Variants in FANCA observed in about 807,000 individuals in gnomAD.
FANCA encodes FA complementation group A.
Under a neutral mutation model 194.3 loss-of-function variants are expected in FANCA, and 236 were observed. That is an observed-to-expected ratio of 1.21 (90% CI 1.09 to 1.35). FANCA has a LOEUF of 1.35. FANCA is among the 40% of genes most tolerant of loss of function. The pLI is 0.00. For missense variants in FANCA, 2,628 were observed against 1,813.9 expected, an observed-to-expected ratio of 1.45 and a Z score of -8.15; for synonymous variants, 1,014 against 715.8, an observed-to-expected ratio of 1.42 and a Z score of -6.65.
intron 3 of FANCA, among the ~76,000 whole-genome samples, chr16:89,813,830 G>C (rs1408578026): frequency 6.6e-6 from 1 of 151,966 alleles, no homozygotes; most frequent in Non-Finnish European, 1.5e-5. Context: ...GTGTGTGTGT[G>C]TGTCCGTGTG....
In FANCA at chr16:89,784,740, G is replaced by A. The variant is rs55670899; in HGVS notation, c.1470+114C>T. ...GGGGAAGGGGAAGGGGAAGGGCCTG[G>A]CTGAGAGGCTCAGAGCAGATCTGCA... On this transcript the variant is annotated intron_variant, in intron 15 of 42. Transcript: ENST00000389301. 1.8e-4 allele frequency: 151 copies of A among 826,444 alleles called. No individual in the cohort carries two copies. In the African/African-American group the frequency reaches 2.0e-3, roughly 11 times the overall value. 51.2% of individuals were successfully genotyped at this position (826,444 alleles called of 1,614,324 possible). A position where few individuals can be genotyped will look rare whatever the true frequency, so the allele number is the denominator to read the frequency against.
chr16:89,806,032 C>T (rs1012987458), intron 6 of FANCA, among the ~76,000 whole-genome samples: 9 of 152,178 alleles, frequency 5.9e-5, no homozygotes, highest in Non-Finnish European at 1.3e-4. Context: ...CCTGCCTCAG[C>T]CTCCACAACG....
At chr16:89,740,766 G>C in intron 38 of FANCA, 38 bp downstream of exon 38, 4 of 1,595,686 alleles carry the variant, frequency 2.5e-6, no homozygotes, top group Non-Finnish European at 3.4e-6. Flanking sequence ...CTGGCCCACA[G>C]TGGGAGAGGA....
Position 89,791,434 on chromosome 16 carries a change from G to A in FANCA, c.1328C>T (p.Ser443Phe), listed in dbSNP as rs367733447. 1.9e-6 allele frequency: 3 copies of A among 1,614,020 alleles called. 1 individual carries two copies. ...CCAGTCTGCATATGACAGGAACGCA[G>A]AGGGGCCCTCCAGTGCTGCCTGGCG... Reference protein sequence around the residue: ...VVRQAALEGPSAFLSYADWFK... With the variant: ...VVRQAALEGPFAFLSYADWFK... The change falls in exon 14 of 43, where the codon TCT becomes TTT. Residue 443 changes from serine (S) to phenylalanine (F), a missense_variant. Transcript: ENST00000389301.
intron 3 of FANCA, among the ~76,000 whole-genome samples, chr16:89,812,111 G>C (rs1222897067): frequency 6.7e-6 from 1 of 149,984 alleles, no homozygotes; most frequent in African/African-American, 2.4e-5. Flanking sequence ...CGAGGCGGGC[G>C]GATTACAAGG....
intron 15 of FANCA, among the ~76,000 whole-genome samples, chr16:89,784,427 A>T (rs1231173197): frequency 6.6e-6 from 1 of 151,258 alleles, no homozygotes; most frequent in Non-Finnish European, 1.5e-5. Flanking sequence ...AAATTAAAAA[A>T]AAAAAAAAAA....
chr16:89,798,313 T>C, intron 10 of FANCA: 2 of 1,020,326 alleles, frequency 2.0e-6, no homozygotes, highest in Non-Finnish European at 2.4e-6. Context: ...TCTCTGGCAC[T>C]TTGTTACAGC....
chr16:89,769,104 T>C (rs548173910), intron 26 of FANCA, among the ~76,000 whole-genome samples: 62 of 152,320 alleles, frequency 4.1e-4, no homozygotes, highest in Non-Finnish European at 6.3e-4. Flanking sequence ...CTCTTCTAAG[T>C]TCTCTGTTAT....
At chr16:89,748,305 G>A (rs1007013852) in intron 33 of FANCA, among the ~76,000 whole-genome samples, 1 of 147,294 alleles carries the variant, frequency 6.8e-6, no homozygotes, top group African/African-American at 2.6e-5. Context: ...ATCACCACAA[G>A]GCTTTTTTTA....
Position 89,810,918 on chromosome 16 carries a change from T to G in FANCA, c.426+11A>C, listed in dbSNP as rs763705129. 6.2e-7 allele frequency: 1 copy of G among 1,614,058 alleles called. No individual in the cohort carries two copies. Among genetic ancestry groups the G allele is most frequent in the Admixed American group, 1.7e-5 (1 of 60,008 alleles). On this transcript the variant is annotated intron_variant, in intron 4 of 42. Transcript: ENST00000389301. ...AACGGGCAGGTTTCCTCATCTTTGCTGGTGTCTTACTCTCTGCTCCACAGT... is the reference window on the plus strand; with the variant it reads ...AACGGGCAGGTTTCCTCATCTTTGCGGGTGTCTTACTCTCTGCTCCACAGT...
At chr16:89,742,091 G>A (rs1236052044) in intron 37 of FANCA, among the ~76,000 whole-genome samples, 1 of 151,986 alleles carries the variant, frequency 6.6e-6, no homozygotes, top group Non-Finnish European at 1.5e-5. Context: ...TCAGCCTCCT[G>A]AGTAGCTTTA....
rs754732247 is a variant in FANCA, at chr16:89,738,599, C to T, written c.*2G>A. On this transcript the variant is annotated 3_prime_UTR_variant, in exon 43 of 43. Transcript: ENST00000389301. ...TGGGCTGGTGTGCAGTGGCAGGTCC[C>T]GTCAGAAGAGATGAGGCTCCTGGGA... 1.4e-5 allele frequency: 22 copies of T among 1,613,020 alleles called. No homozygotes were observed. Among genetic ancestry groups the T allele is most frequent in the African/African-American group, 1.2e-4 (9 of 74,984 alleles).
intron 27 of FANCA, 93 bp downstream of exon 27, chr16:89,767,048 C>A: frequency 9.6e-7 from 1 of 1,037,278 alleles, no homozygotes; most frequent in Non-Finnish European, 1.5e-6. Flanking sequence ...GAGATGGGCA[C>A]AAAGCGGCAG....
At chr16:89,748,186 G>C in intron 33 of FANCA, among the ~76,000 whole-genome samples, 1 of 152,334 alleles carries the variant, frequency 6.6e-6, no homozygotes, top group East Asian at 1.9e-4. Context: ...GATTACGGGC[G>C]TGAGCCACCG....
At chr16:89,753,541 G>C (rs1206480624) in intron 30 of FANCA, among the ~76,000 whole-genome samples, 1 of 152,168 alleles carries the variant, frequency 6.6e-6, no homozygotes, top group African/African-American at 2.4e-5. Context: ...TATCTCAATA[G>C]ATGTAGAAAA....
rs55691337 is a variant in FANCA at position 89,753,792 on chromosome 16, C to A, written c.2982-1570G>T. Among the ~76,000 whole-genome samples, 1,150 of 152,290 alleles carry A rather than the reference C, an allele frequency of 7.6e-3. 13 individuals carry two copies. The highest frequency in any genetic ancestry group is 0.026 in the African/African-American group (1,093 of 41,566). Reference sequence around the variant, plus strand: ...CACTGGGGACAGACACGGTGGCTCACGCCTGTAATCCCAGCACTTTGGGAG... The same window carrying A: ...CACTGGGGACAGACACGGTGGCTCAAGCCTGTAATCCCAGCACTTTGGGAG... On this transcript the variant is annotated intron_variant, in intron 30 of 42. Coordinates refer to ENST00000389301, the MANE Select transcript of FANCA (RefSeq NM_000135.4).
chr16:89,748,104 G>A (rs2038453361), intron 33 of FANCA, among the ~76,000 whole-genome samples: 1 of 152,156 alleles, frequency 6.6e-6, no homozygotes, highest in Non-Finnish European at 1.5e-5. Flanking sequence ...TAGAAACAGG[G>A]TTTTGTCATG....
chr16:89,803,609 T>C lies in FANCA; in HGVS notation c.710-268A>G, dbSNP rs1176937428. On this transcript the variant is annotated intron_variant, in intron 7 of 42. Transcript: ENST00000389301. ...TTCTATTTGAAAGGGAACAAGTTTA[T>C]AGTCAGATTTTTTTCTTTTTTTTTT... is the stretch of plus-strand genomic sequence containing the variant. 3.3e-5 allele frequency among the ~76,000 whole-genome samples: 5 copies of C among 150,776 alleles called. No homozygotes were observed. In the South Asian group the frequency reaches 6.3e-4, roughly 19 times the overall value.
At chr16:89,739,093 G>A (rs766226560) in intron 41 of FANCA, 40 bp downstream of exon 41, 2 of 1,613,794 alleles carry the variant, frequency 1.2e-6, no homozygotes, top group African/African-American at 2.7e-5. Flanking sequence ...CTCCGGCTGG[G>A]GGGAGCTCCC....
Sources: allele counts gnomAD v4.1 joint callset (sites outside exome capture counted in the v4.1 genomes callset), GRCh38; gene constraint gnomAD v4.1.1; transcripts MANE v1.5; gene names NCBI Gene and HGNC (gene_info 2026-07-23, HGNC 2026-07-21).